Variants in IQGAP2 observed in about 807,000 individuals in gnomAD.
The protein encoded by IQGAP2 is ras GTPase-activating-like protein IQGAP2.
A neutral mutation model predicts 201.3 loss-of-function variants in IQGAP2; 173 were observed. That is an observed-to-expected ratio of 0.86 (90% CI 0.76 to 0.98). The LOEUF (loss-of-function observed/expected upper bound fraction) is 0.98. Among genes scored for constraint, IQGAP2 ranks in the 50% least tolerant of loss-of-function variants. The probability of loss-of-function intolerance (pLI) is 0.00; values close to 1 mark genes in which losing one functional copy is unlikely to be tolerated. For synonymous variants in IQGAP2, 675 were observed against 673.9 expected (o/e 1.00, Z -0.03); for missense variants, 1,687 against 1,864.8 (o/e 0.90, Z 1.76).
intron 5 of IQGAP2, among the ~76,000 whole-genome samples, chr5:76,585,960 C>A (rs1240316252): frequency 6.6e-6 from 1 of 152,102 alleles, no homozygotes; most frequent in Non-Finnish European, 1.5e-5. Flanking sequence ...TTCATTGTTC[C>A]AAGTAATATG....
intron 22 of IQGAP2, 121 bp downstream of exon 22, chr5:76,665,296 T>A: frequency 2.4e-6 from 2 of 819,182 alleles, no homozygotes; most frequent in Non-Finnish European, 4.0e-6. Context: ...GAGCATCTAC[T>A]AAGTACCAAG....
At chr5:76,622,982 C>T (rs1349286790) in intron 13 of IQGAP2, among the ~76,000 whole-genome samples, 1 of 152,162 alleles carries the variant, frequency 6.6e-6, no homozygotes, top group African/African-American at 2.4e-5. Context: ...AGTCTATGAC[C>T]AGGTTTGAAT....
At position 76,647,291 on chromosome 5, in the gene IQGAP2, T is replaced by C. The variant is rs74600582; in HGVS notation, c.2095-5459T>C. On this transcript the variant is annotated intron_variant, in intron 17 of 35. Transcript: ENST00000274364. Reference sequence around the variant, plus strand: ...AGGAATGACATAGTGGTGAGTTCTTTGAGTTTTCTTTTTGTTTATATTTTT... The same window carrying C: ...AGGAATGACATAGTGGTGAGTTCTTCGAGTTTTCTTTTTGTTTATATTTTT... Among the ~76,000 whole-genome samples, 822 of 152,236 alleles carry C rather than the reference T, an allele frequency of 5.4e-3. 6 individuals carry two copies. Among genetic ancestry groups the C allele is most frequent in the African/African-American group, 0.018 (748 of 41,530 alleles).
chr5:76,694,578 G>A (rs557865079), intron 31 of IQGAP2, among the ~76,000 whole-genome samples: 1 of 152,284 alleles, frequency 6.6e-6, no homozygotes, highest in African/African-American at 2.4e-5. Flanking sequence ...TCACAGGCAG[G>A]ATTAAGTCAA....
At chr5:76,511,387 G>A (rs1174843559) in intron 2 of IQGAP2, among the ~76,000 whole-genome samples, 3 of 152,196 alleles carry the variant, frequency 2.0e-5, no homozygotes, top group Non-Finnish European at 4.4e-5. Context: ...GAAGGGCCAA[G>A]CTCGCTGGAC....
intron 2 of IQGAP2, among the ~76,000 whole-genome samples, chr5:76,515,997 C>A (rs1480013483): frequency 6.6e-6 from 1 of 150,802 alleles, no homozygotes; most frequent in Non-Finnish European, 1.5e-5. Context: ...TCCACTTCAG[C>A]CTCTTGAGTA....
intron 2 of IQGAP2, among the ~76,000 whole-genome samples, chr5:76,496,785 CTTTCTTTCTCTTTCTTTCTTTCTCTT>C (rs1176387261): frequency 5.2e-4 from 53 of 102,046 alleles, no homozygotes; most frequent in African/African-American, 2.2e-3. Context: ...TTCTTTCTTT[CTTTCTTTCTCTTTCTTTCTTTCTCTT>C]TCTTTCTTTC....
chr5:76,652,232 G>T (rs2150429094), intron 17 of IQGAP2, among the ~76,000 whole-genome samples: 1 of 152,316 alleles, frequency 6.6e-6, no homozygotes. Flanking sequence ...TATATGAAAT[G>T]ATGGTCAGTT....
intron 2 of IQGAP2, among the ~76,000 whole-genome samples, chr5:76,535,429 A>G (rs1217348868): frequency 6.6e-6 from 1 of 152,216 alleles, no homozygotes; most frequent in African/African-American, 2.4e-5. Context: ...TTTTTTTTAA[A>G]TCAGCTCTGT....
intron 5 of IQGAP2, among the ~76,000 whole-genome samples, chr5:76,579,236 C>T (rs1170979068): frequency 6.6e-6 from 1 of 152,056 alleles, no homozygotes; most frequent in Non-Finnish European, 1.5e-5. Context: ...TTGTCCTTGG[C>T]TATTATATTA....
At chr5:76,632,376 A>G (rs1750782260) in intron 15 of IQGAP2, among the ~76,000 whole-genome samples, 1 of 152,152 alleles carries the variant, frequency 6.6e-6, no homozygotes, top group Non-Finnish European at 1.5e-5. Flanking sequence ...TTGTGATTGC[A>G]CAGTATTAAG....
At chr5:76,676,249 C>G (rs1433347737) in intron 27 of IQGAP2, among the ~76,000 whole-genome samples, 1 of 152,202 alleles carries the variant, frequency 6.6e-6, no homozygotes, top group Non-Finnish European at 1.5e-5. Context: ...CTCTTCTAAA[C>G]TTGTCCTTTC....
intron 21 of IQGAP2, chr5:76,660,087 TAC>T (rs1485919337): frequency 3.0e-5 from 4 of 134,080 alleles, no homozygotes; most frequent in Non-Finnish European, 6.5e-5. Context: ...CTGAGAAGGC[TAC>T]AGTGGCTCAT....
At chr5:76,484,255 G>A (rs1755976083) in intron 2 of IQGAP2, among the ~76,000 whole-genome samples, 1 of 152,154 alleles carries the variant, frequency 6.6e-6, no homozygotes, top group Admixed American at 6.5e-5. Flanking sequence ...AGGCTTATGA[G>A]GAAAGTGGCT....
intron 2 of IQGAP2, among the ~76,000 whole-genome samples, chr5:76,516,971 A>G (rs1758370948): frequency 6.6e-6 from 1 of 152,194 alleles, no homozygotes. Flanking sequence ...AGAAGGCAAG[A>G]TAGTGGCCCC....
intron 2 of IQGAP2, among the ~76,000 whole-genome samples, chr5:76,499,785 G>A (rs1757176055): frequency 6.6e-6 from 1 of 152,146 alleles, no homozygotes; most frequent in Non-Finnish European, 1.5e-5. Context: ...TAGGCTCACA[G>A]TAAGAACTCA....
intron 6 of IQGAP2, 63 bp downstream of exon 6, chr5:76,589,036 G>A (rs185286167): frequency 1.5e-4 from 170 of 1,151,446 alleles, no homozygotes; most frequent in South Asian, 4.1e-4. Context: ...ATACCTGGCC[G>A]GGCGTGGTGG....
At chr5:76,525,237 G>A (rs1758903754) in intron 2 of IQGAP2, among the ~76,000 whole-genome samples, 1 of 152,160 alleles carries the variant, frequency 6.6e-6, no homozygotes, top group Admixed American at 6.5e-5. Flanking sequence ...AACCAGTTGT[G>A]CCATTGTTTG....
chr5:76,585,667 A>G (rs775474871), intron 5 of IQGAP2, among the ~76,000 whole-genome samples: 33 of 152,048 alleles, frequency 2.2e-4, no homozygotes, highest in Middle Eastern at 3.2e-3. Flanking sequence ...GGCATGTGCC[A>G]CCATGCCCAG....
Sources: allele counts gnomAD v4.1 joint callset (sites outside exome capture counted in the v4.1 genomes callset), GRCh38; gene constraint gnomAD v4.1.1; transcripts MANE v1.5; gene names NCBI Gene and HGNC (gene_info 2026-07-23, HGNC 2026-07-21).